EGF: variants seen among roughly 807,000 people sequenced by gnomAD.
EGF encodes epidermal growth factor, also known as pro-epidermal growth factor.
Under a neutral mutation model 143.8 loss-of-function variants are expected in EGF, and 95 were observed. That is an observed-to-expected ratio of 0.66 (90% CI 0.56 to 0.78). The LOEUF (loss-of-function observed/expected upper bound fraction) is 0.78. Ranked by LOEUF, EGF falls within the 30% of genes least tolerant of loss-of-function variation. EGF has a pLI of 0.00. For synonymous variants in EGF, 510 were observed against 510.5 expected, an observed-to-expected ratio of 1.00 and a Z score of 0.01; for missense variants, 1,320 against 1,470.9, an observed-to-expected ratio of 0.90 and a Z score of 1.68.
Position 109,968,957 on chromosome 4 carries a change from G to T in EGF, c.1576-14G>T. ...TTAAAAAAAAATCAGAAATGCCTGT[G>T]TTCTCTTTTGTAGATATACTTTGCC... On this transcript the variant is annotated splice_polypyrimidine_tract_variant and intron_variant, in intron 10 of 23. Transcript: ENST00000265171. The T allele has an allele frequency of 6.2e-7, 1 of 1,613,992 alleles. No homozygotes were observed. Among genetic ancestry groups the T allele is most frequent in the Non-Finnish European group, 8.5e-7 (1 of 1,179,954 alleles).
chr4:109,993,927 G>A (rs976051757), intron 19 of EGF, among the ~76,000 whole-genome samples: 6 of 151,922 alleles, frequency 3.9e-5, no homozygotes, highest in Admixed American at 3.9e-4. Context: ...CTAGACCCTG[G>A]AGACCAGGAT....
In EGF at chr4:109,943,379, C is replaced by T. The variant is rs199526360; in HGVS notation, c.453C>T (p.His151=). The T allele has an allele frequency of 7.4e-6, 12 of 1,613,674 alleles. No individual in the cohort carries two copies. In the East Asian group the frequency reaches 1.8e-4, roughly 24 times the overall value. Residue 151 remains histidine, a synonymous_variant, in exon 3 of 24, where the codon CAC becomes CAT. Transcript: ENST00000265171. The part of the protein sequence containing the change: ...TVTDMKGNNS[H]ILLSALKYPA... The stretch of plus-strand genomic sequence containing the variant: ...CAGATATGAAAGGAAATAATTCCCA[C>T]ATTCTTTTAAGTGCTTTAAAATATC...
At chr4:109,916,418 C>T (rs1259269481) in intron 1 of EGF, among the ~76,000 whole-genome samples, 1 of 152,040 alleles carries the variant, frequency 6.6e-6, no homozygotes, top group Non-Finnish European at 1.5e-5. Flanking sequence ...GATTCAAATC[C>T]CATTTCTGCT....
intron 23 of EGF, 136 bp downstream of exon 23, chr4:110,008,366 TGGGC>T: frequency 1.2e-5 from 14 of 1,123,832 alleles, no homozygotes; most frequent in African/African-American, 3.1e-5. Flanking sequence ...TGTGAATAGC[TGGGC>T]TGTATTGAAA....
chr4:109,918,374 G>A (rs1251154780), intron 1 of EGF, among the ~76,000 whole-genome samples: 1 of 151,946 alleles, frequency 6.6e-6, no homozygotes, highest in Non-Finnish European at 1.5e-5. Context: ...TCTTCCGGAA[G>A]GAGTGGAAGG....
chr4:109,923,800 T>C (rs958109285), intron 1 of EGF, among the ~76,000 whole-genome samples: 1 of 151,360 alleles, frequency 6.6e-6, no homozygotes, highest in Non-Finnish European at 1.5e-5. Context: ...TCTGTATTTT[T>C]AGTAGAGACA....
chr4:110,011,852 G>A lies in EGF; in HGVS notation c.*397G>A, dbSNP rs1754027759. The A allele has an allele frequency of 7.1e-6, 2 of 279,990 alleles. No homozygotes were observed. Among genetic ancestry groups the A allele is most frequent in the Non-Finnish European group, 1.4e-5 (2 of 144,890 alleles). The allele number at this position is 279,990 out of a possible 1,614,324, so 17.3% of individuals were successfully genotyped here. ...GTTACAAAGTAATTTCTTTGATCTG[G>A]ACAGAACATTTATATCAGTTTCATG... is the stretch of plus-strand genomic sequence containing the variant. On this transcript the variant is annotated 3_prime_UTR_variant, in exon 24 of 24. Coordinates refer to ENST00000265171, the MANE Select transcript of EGF (RefSeq NM_001963.6).
intron 5 of EGF, among the ~76,000 whole-genome samples, chr4:109,950,163 T>C (rs1743618084): frequency 6.6e-6 from 1 of 152,194 alleles, no homozygotes; most frequent in African/African-American, 2.4e-5. Flanking sequence ...CTTGTAAGCA[T>C]GTCTACTTGG....
intron 1 of EGF, among the ~76,000 whole-genome samples, chr4:109,927,806 C>CGT (rs57788647): frequency 0.076 from 10,397 of 136,230 alleles, 390 homozygotes; most frequent in East Asian, 0.14. Flanking sequence ...TGAATTTTGC[C>CGT]GTGTGTGTGT....
chr4:109,943,624 T>G (rs758427373), intron 3 of EGF, among the ~76,000 whole-genome samples, 189 bp downstream of exon 3: 2 of 152,184 alleles, frequency 1.3e-5, no homozygotes, highest in Non-Finnish European at 2.9e-5. Flanking sequence ...CCATAAATAT[T>G]CCTAACTATC....
At chr4:109,992,202 AC>A (rs1751052715) in intron 18 of EGF, 6 of 133,246 alleles carry the variant, frequency 4.5e-5, no homozygotes, top group African/African-American at 1.9e-4. Flanking sequence ...AAAAAAAAAG[AC>A]AGAGAGAGAA....
At chr4:109,975,957 A>G (rs1578318483) in intron 12 of EGF, 55 bp from the exon 13 acceptor site, 1 of 1,554,156 alleles carries the variant, frequency 6.4e-7, no homozygotes, top group Non-Finnish European at 8.9e-7. Context: ...TGATGAAAGA[A>G]CAGAATAATT....
intron 5 of EGF, 60 bp downstream of exon 5, chr4:109,945,335 T>C (rs1246672857): frequency 6.4e-7 from 1 of 1,557,116 alleles, no homozygotes; most frequent in Non-Finnish European, 8.8e-7. Flanking sequence ...TTCACCTGCT[T>C]GAGCCAGACA....
intron 5 of EGF, among the ~76,000 whole-genome samples, chr4:109,950,214 C>T (rs1329823196): frequency 1.3e-5 from 2 of 152,102 alleles, no homozygotes; most frequent in Non-Finnish European, 2.9e-5. Flanking sequence ...AATAACTAAC[C>T]TACCAACTTT....
intron 18 of EGF, among the ~76,000 whole-genome samples, chr4:109,992,971 T>A (rs759604240): frequency 3.6e-5 from 5 of 138,784 alleles, no homozygotes; most frequent in Admixed American, 7.0e-5. Context: ...GGGGGAGGGA[T>A]AGCATTAGGA....
intron 22 of EGF, among the ~76,000 whole-genome samples, chr4:110,005,297 G>T (rs1753126912): frequency 6.6e-6 from 1 of 151,522 alleles, no homozygotes; most frequent in African/African-American, 2.4e-5. Flanking sequence ...CCACCTGCCC[G>T]GGCCTCTCAA....
intron 1 of EGF, among the ~76,000 whole-genome samples, chr4:109,928,243 A>C (rs1159857956): frequency 6.6e-6 from 1 of 152,208 alleles, no homozygotes; most frequent in Non-Finnish European, 1.5e-5. Flanking sequence ...TCTATAAGCA[A>C]AATAATAAAC....
chr4:109,930,574 C>G (rs1160286131), intron 1 of EGF, among the ~76,000 whole-genome samples: 1 of 152,162 alleles, frequency 6.6e-6, no homozygotes, highest in Non-Finnish European at 1.5e-5. Flanking sequence ...TGGCAATGTT[C>G]ACCTGATAGA....
intron 5 of EGF, among the ~76,000 whole-genome samples, chr4:109,950,623 A>C (rs1743732002): frequency 1.3e-5 from 2 of 151,848 alleles, no homozygotes; most frequent in Admixed American, 1.3e-4. Flanking sequence ...TTCTTCTCTC[A>C]CCCTTGTTTA....
Sources: allele counts gnomAD v4.1 joint callset (sites outside exome capture counted in the v4.1 genomes callset), GRCh38; gene constraint gnomAD v4.1.1; transcripts MANE v1.5; gene names NCBI Gene and HGNC (gene_info 2026-07-23, HGNC 2026-07-21).